The following MEIKIN variants were observed in gnomAD, a reference collection of about 807,000 sequenced individuals.
MEIKIN encodes meiosis-specific kinetochore protein.
rs111571600 is a variant in MEIKIN at position 131,907,596 on chromosome 5, C to T, written c.703+4219G>A. On this transcript the variant is annotated intron_variant, in intron 8 of 12. Transcript: ENST00000442687. ...CATGAAGCAACCCAAAACCTTGAGC[C>T]GGGCAGGTGGCTCACGCCTGTAATC... Among the ~76,000 whole-genome samples, 278 of 150,596 alleles carry T rather than the reference C, an allele frequency of 1.8e-3. 1 individual carries two copies. The highest frequency in any genetic ancestry group is 0.014 in the East Asian group (73 of 5,154).
chr5:131,858,084 C>G (rs542972251), intron 9 of MEIKIN, among the ~76,000 whole-genome samples: 4 of 152,202 alleles, frequency 2.6e-5, no homozygotes, highest in African/African-American at 9.6e-5. Flanking sequence ...GCAGGAACAC[C>G]GGGCCCCTCC....
chr5:131,894,032 G>A (rs1010931020), intron 8 of MEIKIN, among the ~76,000 whole-genome samples: 1 of 152,180 alleles, frequency 6.6e-6, no homozygotes, highest in African/African-American at 2.4e-5. Context: ...ATGGTTGTAG[G>A]TCTAACATTT....
intron 4 of MEIKIN, among the ~76,000 whole-genome samples, chr5:131,936,039 C>A (rs1014351496): frequency 6.6e-6 from 1 of 152,174 alleles, no homozygotes; most frequent in Non-Finnish European, 1.5e-5. Flanking sequence ...CCTTCCATTT[C>A]TCAAAATTTC....
chr5:131,935,945 A>G (rs909798284), intron 4 of MEIKIN, among the ~76,000 whole-genome samples: 3 of 152,116 alleles, frequency 2.0e-5, no homozygotes, highest in Non-Finnish European at 4.4e-5. Flanking sequence ...CAACTGCCCT[A>G]GAGTGTCCTG....
At chr5:131,875,606 G>A (rs1750597875) in intron 9 of MEIKIN, among the ~76,000 whole-genome samples, 1 of 152,086 alleles carries the variant, frequency 6.6e-6, no homozygotes, top group Non-Finnish European at 1.5e-5. Flanking sequence ...TCCCCATCAA[G>A]CTACCAATGA....
At chr5:131,939,375 T>G (rs1461584308) in intron 4 of MEIKIN, among the ~76,000 whole-genome samples, 2 of 152,136 alleles carry the variant, frequency 1.3e-5, no homozygotes, top group East Asian at 3.8e-4. Context: ...TTTCAGCTTT[T>G]TTTTTTTTTA....
At chr5:131,890,198 G>C (rs891871958) in intron 8 of MEIKIN, among the ~76,000 whole-genome samples, 2 of 152,166 alleles carry the variant, frequency 1.3e-5, no homozygotes, top group African/African-American at 2.4e-5. Context: ...TTGGTATCAG[G>C]ATGATGCTGG....
chr5:131,897,137 T>G (rs546418212), intron 8 of MEIKIN, among the ~76,000 whole-genome samples: 113 of 152,342 alleles, frequency 7.4e-4, no homozygotes, highest in South Asian at 6.2e-3. Flanking sequence ...CTCCTTCACT[T>G]ATGAAGCTTA....
At chr5:131,843,796 T>G (rs1376497311) in intron 11 of MEIKIN, among the ~76,000 whole-genome samples, 1 of 152,226 alleles carries the variant, frequency 6.6e-6, no homozygotes, top group African/African-American at 2.4e-5. Context: ...CCCTCCAAAC[T>G]GTTTCAGTCT....
chr5:131,875,770 C>G (rs987164725), intron 9 of MEIKIN, among the ~76,000 whole-genome samples: 3 of 152,194 alleles, frequency 2.0e-5, no homozygotes, highest in Admixed American at 2.0e-4. Flanking sequence ...GTAACCAAAA[C>G]AGCATGGTAC....
chr5:131,828,243 T>TC (rs1327036192), intron 11 of MEIKIN, among the ~76,000 whole-genome samples: 1 of 152,146 alleles, frequency 6.6e-6, no homozygotes, highest in Non-Finnish European at 1.5e-5. Context: ...CACTGCAATC[T>TC]CTGCCCCTCT....
rs144751218 is a variant in MEIKIN at position 131,867,678 on chromosome 5, C to T, written c.774+11300G>A. Among the ~76,000 whole-genome samples, 7 of 152,246 alleles carry T rather than the reference C, an allele frequency of 4.6e-5. No individual in the cohort carries two copies. The East Asian group carries it at 1.4e-3, about 29-fold the overall frequency. On this transcript the variant is annotated intron_variant, in intron 9 of 12. Transcript: ENST00000442687. Reference sequence around the variant, plus strand: ...ACTTAGTAATATGAATTTAAGTTTCCTCCATGTCTTTTCATTGCTGGATAC... The same window carrying T: ...ACTTAGTAATATGAATTTAAGTTTCTTCCATGTCTTTTCATTGCTGGATAC...
chr5:131,911,882 A>G lies in MEIKIN; in HGVS notation c.639-3T>C, dbSNP rs1215191326. ...TTTGATCTGCTACTGTCATCACTCT[A>G]TAACAAGAACAAACTGTTTAGTGGT... On this transcript the variant is annotated splice_region_variant and splice_polypyrimidine_tract_variant and intron_variant, in intron 7 of 12. Coordinates refer to ENST00000442687, the MANE Select transcript of MEIKIN (RefSeq NM_001303622.2). 3 of 397,630 alleles carry G rather than the reference A, an allele frequency of 7.5e-6. No homozygotes were observed. The highest frequency in any genetic ancestry group is 4.4e-5 in the Admixed American group (1 of 22,666). 24.6% of individuals were successfully genotyped at this position (397,630 alleles called of 1,614,324 possible). A position where few individuals can be genotyped will look rare whatever the true frequency, so the allele number is the denominator to read the frequency against.
chr5:131,919,114 T>C (rs1561755034), intron 6 of MEIKIN, among the ~76,000 whole-genome samples: 3 of 152,020 alleles, frequency 2.0e-5, no homozygotes. Context: ...CCCTTAAACA[T>C]ATGAAAAATG....
At chr5:131,888,094 TA>T (rs2149632610) in intron 8 of MEIKIN, among the ~76,000 whole-genome samples, 1 of 146,894 alleles carries the variant, frequency 6.8e-6, no homozygotes, top group South Asian at 2.2e-4. Flanking sequence ...CACATTTTCT[TA>T]ATCCAGTCTA....
chr5:131,844,565 G>C (rs1220359624), intron 11 of MEIKIN, among the ~76,000 whole-genome samples: 1 of 152,110 alleles, frequency 6.6e-6, no homozygotes, highest in Non-Finnish European at 1.5e-5. Flanking sequence ...AGAGAGGAGA[G>C]AGCTACATAC....
At chr5:131,938,521 G>T (rs745671159) in intron 4 of MEIKIN, among the ~76,000 whole-genome samples, 2 of 152,098 alleles carry the variant, frequency 1.3e-5, no homozygotes, top group African/African-American at 2.4e-5. Flanking sequence ...GACTTATGGA[G>T]TTGTGTCACC....
chr5:131,826,085 T>G (rs1370708019), intron 11 of MEIKIN, among the ~76,000 whole-genome samples: 1 of 130,462 alleles, frequency 7.7e-6, no homozygotes, highest in Non-Finnish European at 1.6e-5. Context: ...TTTCTTGTTT[T>G]CTTTTTTTTT....
rs143725731 is a variant in MEIKIN at position 131,902,269 on chromosome 5, C to T, written c.703+9546G>A. 3.5e-3 allele frequency among the ~76,000 whole-genome samples: 539 copies of T among 152,166 alleles called. 5 individuals are homozygous for T. Among genetic ancestry groups the T allele is most frequent in the African/African-American group, 0.013 (521 of 41,504 alleles). ...GCAACACGGTGAAACCCTGTCTCTACTAAAATACAAAAAATTAGCTGGGTA... is the reference window on the plus strand; with the variant it reads ...GCAACACGGTGAAACCCTGTCTCTATTAAAATACAAAAAATTAGCTGGGTA... On this transcript the variant is annotated intron_variant, in intron 8 of 12. Transcript: ENST00000442687.
Sources: allele counts gnomAD v4.1 joint callset (sites outside exome capture counted in the v4.1 genomes callset), GRCh38; gene constraint gnomAD v4.1.1; transcripts MANE v1.5; gene names NCBI Gene and HGNC (gene_info 2026-07-23, HGNC 2026-07-21).